The following ZMYM2 variants were observed in gnomAD, a reference collection of about 807,000 sequenced individuals.
ZMYM2 encodes the protein zinc finger MYM-type protein 2.
Under a neutral mutation model 162.8 loss-of-function variants are expected in ZMYM2, and 56 were observed. That is an observed-to-expected ratio of 0.34 (90% confidence interval 0.28 to 0.43). The LOEUF is 0.43. Among genes scored for constraint, ZMYM2 ranks in the 20% least tolerant of loss-of-function variants. The pLI, the probability that ZMYM2 is intolerant of heterozygous loss-of-function variation, is 1.00. For synonymous variants in ZMYM2, 510 were observed against 541.6 expected, an observed-to-expected ratio of 0.94 and a Z score of 0.81; for missense variants, 1,275 against 1,621.8, an observed-to-expected ratio of 0.79 and a Z score of 3.67.
At chr13:20,022,325 T>C (rs934018543) in intron 7 of ZMYM2, among the ~76,000 whole-genome samples, 1 of 152,182 alleles carries the variant, frequency 6.6e-6, no homozygotes, top group African/African-American at 2.4e-5. Context: ...TTCCTCAAGA[T>C]TAGATTGAGG....
intron 14 of ZMYM2, among the ~76,000 whole-genome samples, chr13:20,053,044 A>G (rs368436785): frequency 5.9e-5 from 9 of 152,176 alleles, no homozygotes; most frequent in African/African-American, 2.2e-4. Context: ...TTTTGTTAGC[A>G]TTTTAAGAGT....
the ZMYM2 span, among the ~76,000 whole-genome samples, chr13:19,947,162 G>A: frequency 6.6e-6 from 1 of 151,878 alleles, no homozygotes. Context: ...CTGCCTCCAC[G>A]CTATTCTCCT....
chr13:20,055,856 A>G (rs1310128921), intron 14 of ZMYM2, among the ~76,000 whole-genome samples: 1 of 152,108 alleles, frequency 6.6e-6, no homozygotes, highest in Non-Finnish European at 1.5e-5. Flanking sequence ...AATCGGGGTT[A>G]GGAAAATGTT....
At chr13:19,887,645 T>C in the ZMYM2 span, among the ~76,000 whole-genome samples, 4 of 151,892 alleles carry the variant, frequency 2.6e-5, no homozygotes, top group East Asian at 7.7e-4. Flanking sequence ...GGTAGAGTTG[T>C]TAGGAAAGGC....
intron 2 of ZMYM2, chr13:19,965,382 G>A (rs1955653195): frequency 1.7e-6 from 1 of 582,858 alleles, no homozygotes; most frequent in South Asian, 1.8e-5. Context: ...ATTTCAAAGA[G>A]GTATGTCTTT....
At chr13:20,018,186 C>T (rs1951778014) in intron 6 of ZMYM2, among the ~76,000 whole-genome samples, 1 of 152,062 alleles carries the variant, frequency 6.6e-6, no homozygotes, top group Non-Finnish European at 1.5e-5. Flanking sequence ...TCTACTGACA[C>T]CAAATGATTC....
intron 19 of ZMYM2, chr13:20,066,587 C>T (rs983598735): frequency 3.0e-6 from 1 of 327,932 alleles, no homozygotes; most frequent in Non-Finnish European, 5.5e-6. Context: ...AGATCATCCT[C>T]ATTGTCTTCA....
intron 12 of ZMYM2, among the ~76,000 whole-genome samples, chr13:20,042,824 A>G (rs1359051342): frequency 1.3e-5 from 2 of 151,978 alleles, no homozygotes; most frequent in East Asian, 3.9e-4. Flanking sequence ...GCCAGGTTCA[A>G]GTGATTGTCC....
At chr13:19,880,580 C>T in the ZMYM2 span, among the ~76,000 whole-genome samples, 7 of 151,968 alleles carry the variant, frequency 4.6e-5, no homozygotes, top group South Asian at 8.3e-4. Flanking sequence ...AGGTGCATGC[C>T]GCCACGCCCG....
chr13:19,884,828 G>C, the ZMYM2 span, among the ~76,000 whole-genome samples: 21 of 151,960 alleles, frequency 1.4e-4, no homozygotes, highest in African/African-American at 4.1e-4. Flanking sequence ...AAACATTCCA[G>C]CAGTAAAAGA....
the ZMYM2 span, among the ~76,000 whole-genome samples, chr13:19,869,040 C>T: frequency 1.3e-5 from 2 of 152,216 alleles, no homozygotes; most frequent in African/African-American, 2.4e-5. Flanking sequence ...CGTGAGCCAC[C>T]GCACCCGGCC....
chr13:19,994,693 A>G (rs1222262789), intron 3 of ZMYM2, among the ~76,000 whole-genome samples: 1 of 152,066 alleles, frequency 6.6e-6, no homozygotes, highest in Non-Finnish European at 1.5e-5. Context: ...CATGTTGGCC[A>G]GGCCAGGCTG....
At chr13:19,917,244 G>C in the ZMYM2 span, among the ~76,000 whole-genome samples, 2 of 151,980 alleles carry the variant, frequency 1.3e-5, no homozygotes, top group Non-Finnish European at 2.9e-5. Context: ...TTACAGGCAT[G>C]AGCCACCACG....
intron 15 of ZMYM2, among the ~76,000 whole-genome samples, chr13:20,059,067 G>C (rs1268088423): frequency 6.6e-6 from 1 of 152,056 alleles, no homozygotes; most frequent in East Asian, 1.9e-4. Flanking sequence ...AGAATGAGGT[G>C]AAATTGTTCA....
the ZMYM2 span, among the ~76,000 whole-genome samples, chr13:19,917,029 C>G: frequency 3.9e-5 from 6 of 152,288 alleles, no homozygotes; most frequent in African/African-American, 1.2e-4. Context: ...GTGGAGCGAT[C>G]TCCGCTCGCT....
chr13:20,078,487 C>T (rs1302446910), intron 21 of ZMYM2, among the ~76,000 whole-genome samples: 6 of 152,318 alleles, frequency 3.9e-5, no homozygotes, highest in African/African-American at 9.6e-5. Flanking sequence ...CAATACTTGT[C>T]TGAACAAACA....
At chr13:20,032,599 C>CTTTTTTTTTTTTTTTT (rs57294389) in intron 10 of ZMYM2, among the ~76,000 whole-genome samples, 1 of 66,040 alleles carries the variant, frequency 1.5e-5, no homozygotes, top group African/African-American at 6.8e-5. Flanking sequence ...TTTTTTCTGT[C>CTTTTTTTTTTTTTTTT]TTTTTTTTTT....
At chr13:19,928,973 T>C in the ZMYM2 span, among the ~76,000 whole-genome samples, 1 of 152,104 alleles carries the variant, frequency 6.6e-6, no homozygotes, top group African/African-American at 2.4e-5. Flanking sequence ...GGGCAATTTA[T>C]AGCTTTGGTT....
chr13:19,984,047 C>A (rs756355993), intron 2 of ZMYM2, among the ~76,000 whole-genome samples: 2 of 152,152 alleles, frequency 1.3e-5, no homozygotes, highest in Non-Finnish European at 2.9e-5. Flanking sequence ...CCTTAGCTTT[C>A]TTTGTAATTC....
Sources: gnomAD v4.1 joint callset for allele counts (sites outside exome capture counted in the v4.1 genomes callset) on GRCh38, gnomAD v4.1.1 for gene constraint, MANE v1.5 for transcripts, NCBI Gene and HGNC (gene_info 2026-07-23, HGNC 2026-07-21) for gene names.